Variants in BIRC6 observed in about 807,000 individuals in gnomAD.
The protein encoded by BIRC6 is dual E2 ubiquitin-conjugating enzyme/E3 ubiquitin-protein ligase BIRC6.
In BIRC6, 98 loss-of-function variants were observed where a neutral mutation model predicts 503.3. The ratio of observed to expected loss-of-function variants is 0.19; its 90% CI spans 0.17 to 0.23. BIRC6 has a LOEUF of 0.23. Ranked by LOEUF, BIRC6 falls within the 10% of genes least tolerant of loss-of-function variation. BIRC6 has a pLI of 1.00. For missense variants in BIRC6, 5,360 were observed against 5,806.0 expected (o/e 0.92, Z 2.50); for synonymous variants, 2,240 against 2,078.7 (o/e 1.08, Z -2.11).
chr2:32,433,592 T>G, intron 12 of BIRC6, 52 bp from the exon 13 acceptor site: 2 of 1,439,402 alleles, frequency 1.4e-6, no homozygotes, highest in South Asian at 3.1e-5. Context: ...AATATGGTTG[T>G]GGCTGAAGAA....
chr2:32,405,361 T>TA (rs1410824976), intron 8 of BIRC6, among the ~76,000 whole-genome samples: 1 of 152,216 alleles, frequency 6.6e-6, no homozygotes, highest in Non-Finnish European at 1.5e-5. Flanking sequence ...GGGCAACTGT[T>TA]ATCACCTGAA....
intron 3 of BIRC6, among the ~76,000 whole-genome samples, chr2:32,382,301 T>G (rs527772692): frequency 6.6e-6 from 1 of 152,330 alleles, no homozygotes; most frequent in South Asian, 2.1e-4. Context: ...GCTACTTGAC[T>G]GATGGTAGTA....
chr2:32,509,671 G>T, intron 51 of BIRC6, 67 bp from the exon 52 acceptor site: 1 of 1,565,634 alleles, frequency 6.4e-7, no homozygotes, highest in Non-Finnish European at 8.7e-7. Flanking sequence ...TCTTTAAAAA[G>T]TTATGTTCTA....
chr2:32,559,006 C>T (rs1163445916), intron 65 of BIRC6: 1 of 152,028 alleles, frequency 6.6e-6, no homozygotes, highest in African/African-American at 2.4e-5. Context: ...TCTGATGAAC[C>T]TTTACACTGT....
At chr2:32,470,103 T>C in intron 30 of BIRC6, 65 bp from the exon 31 acceptor site, 1 of 1,257,092 alleles carries the variant, frequency 8.0e-7, no homozygotes, top group Non-Finnish European at 1.0e-6. Context: ...CTATGTAAAT[T>C]ATTTTAAAAA....
intron 68 of BIRC6, 21 bp downstream of exon 68, chr2:32,595,165 T>G: frequency 6.9e-7 from 1 of 1,457,368 alleles, no homozygotes; most frequent in South Asian, 1.3e-5. Context: ...ATTTTTGATT[T>G]GCTTAAGATC....
At chr2:32,362,681 A>G (rs534239647) in intron 1 of BIRC6, among the ~76,000 whole-genome samples, 209 of 152,166 alleles carry the variant, frequency 1.4e-3, no homozygotes, top group African/African-American at 4.9e-3. Context: ...ATATTACTAG[A>G]TATGTCCTTC....
At chr2:32,510,468 C>T in intron 52 of BIRC6, 58 bp from the exon 53 acceptor site, 1 of 989,078 alleles carries the variant, frequency 1.0e-6, no homozygotes, top group Middle Eastern at 2.5e-4. Flanking sequence ...TTAAGTAAAT[C>T]TTCCCATGGT....
intron 50 of BIRC6, 89 bp downstream of exon 50, chr2:32,505,294 A>G (rs1479693108): frequency 2.8e-6 from 3 of 1,089,654 alleles, no homozygotes; most frequent in Non-Finnish European, 4.0e-6. Flanking sequence ...GCGGAAATAC[A>G]CTTAGGTGTG....
rs997975824 is a variant in BIRC6, at chr2:32,357,866, T to C, written c.325+380T>C. ...GTCCGGTTAGATGAGAGCGAAAGGC[T>C]GGAAGGGTTGACCCCGGGCGGAGAG... On this transcript the variant is annotated intron_variant, in intron 1 of 73. Transcript: ENST00000421745. This position sits in a 1 kb window ranked among gnomAD's most constrained non-coding sequence, Gnocchi z 4.9. Among the ~76,000 whole-genome samples, 3 of 151,836 alleles carry C rather than the reference T, an allele frequency of 2.0e-5. No homozygotes were observed. Among genetic ancestry groups the C allele is most frequent in the African/African-American group, 7.2e-5 (3 of 41,426 alleles).
At chr2:32,369,962 ATATATATATATATATATATATATGTATG>A (rs1318985607) in intron 1 of BIRC6, among the ~76,000 whole-genome samples, 12 of 57,996 alleles carry the variant, frequency 2.1e-4, no homozygotes, top group African/African-American at 6.6e-4. Context: ...ATATATATAT[ATATATATATATATATATATATATGTATG>A]TATGTATGTG....
At chr2:32,566,148 C>CA (rs2059519476) in intron 65 of BIRC6, 1 of 152,130 alleles carries the variant, frequency 6.6e-6, no homozygotes, top group South Asian at 2.1e-4. Flanking sequence ...ATCCCCACCC[C>CA]AAAATGACAT....
intron 71 of BIRC6, 103 bp downstream of exon 71, chr2:32,603,186 A>G: frequency 2.6e-6 from 2 of 782,842 alleles, no homozygotes; most frequent in Non-Finnish European, 3.9e-6. Context: ...ACCTAAAAAA[A>G]GATAGATTAC....
chr2:32,607,061 G>A (rs543844465), intron 71 of BIRC6, among the ~76,000 whole-genome samples: 4 of 149,756 alleles, frequency 2.7e-5, no homozygotes, highest in African/African-American at 4.9e-5. Context: ...CTTAAGAACA[G>A]TTTGAGCAGA....
rs917839505 is a variant in BIRC6, at chr2:32,471,066, G to T, written c.6534G>T (p.Leu2178Phe). The part of the protein sequence containing the change: ...ISWVVMLVSR[L>F]LDYVATVEDE... ...GGGTTGTTATGCTGGTGTCCAGGTT[G>T]CTGGATTATGTGGCAACTGTTGAAG... The change falls in exon 32 of 74, where the codon TTG becomes TTT. Residue 2178 changes from leucine to phenylalanine, a missense_variant. Leu to Phe is a conservative substitution (Grantham distance 22). Coordinates refer to ENST00000421745, the MANE Select transcript of BIRC6 (RefSeq NM_016252.4). 6.3e-7 allele frequency: 1 copy of T among 1,583,686 alleles called. No homozygotes were observed. The highest frequency in any genetic ancestry group is 1.3e-5 in the African/African-American group (1 of 74,648).
At chr2:32,499,411 G>A in intron 45 of BIRC6, 136 bp from the exon 46 acceptor site, 1 of 767,746 alleles carries the variant, frequency 1.3e-6, no homozygotes, top group Non-Finnish European at 2.0e-6. Context: ...TGAATATCAA[G>A]AATTTGTTTA....
intron 37 of BIRC6, among the ~76,000 whole-genome samples, chr2:32,480,939 C>T (rs753441641): frequency 2.0e-5 from 3 of 151,920 alleles, no homozygotes; most frequent in Admixed American, 6.6e-5. Flanking sequence ...CATGCCTGGC[C>T]GGTAAATGGC....
chr2:32,430,761 A>C (rs1016937103), intron 11 of BIRC6, 104 bp from the exon 12 acceptor site: 2 of 824,730 alleles, frequency 2.4e-6, no homozygotes, highest in African/African-American at 3.5e-5. Flanking sequence ...CAAGTGTTGC[A>C]ATAGAAAACC....
At chr2:32,382,557 A>C (rs187263808) in intron 3 of BIRC6, among the ~76,000 whole-genome samples, 232 of 152,338 alleles carry the variant, frequency 1.5e-3, no homozygotes, top group Middle Eastern at 0.01. Context: ...TACAGTATGC[A>C]GAGTCCTAGC....
Sources: allele counts gnomAD v4.1 joint callset (sites outside exome capture counted in the v4.1 genomes callset), GRCh38; gene constraint gnomAD v4.1.1; non-coding constraint Gnocchi (gnomAD v3.1); transcripts MANE v1.5; gene names NCBI Gene and HGNC (gene_info 2026-07-23, HGNC 2026-07-21).